CDIN1: variants seen among roughly 807,000 people sequenced by gnomAD.
The protein encoded by CDIN1 is CDAN1-interacting nuclease 1.
CDIN1 carries 33 observed loss-of-function variants against 45.3 expected under a neutral mutation model. The ratio of observed to expected loss-of-function variants is 0.73; its 90% confidence interval spans 0.55 to 0.97. The LOEUF (loss-of-function observed/expected upper bound fraction) is 0.97. CDIN1 is among the 50% of genes least tolerant of loss of function. The pLI, the probability that CDIN1 is intolerant of heterozygous loss-of-function variation, is 0.00. For missense variants in CDIN1, 303 were observed against 339.4 expected (o/e 0.89, Z 0.84); for synonymous variants, 118 against 124.4 (o/e 0.95, Z 0.34).
chr15:36,782,378 G>T (rs575295715), intron 10 of CDIN1, among the ~76,000 whole-genome samples: 5 of 152,164 alleles, frequency 3.3e-5, no homozygotes, highest in Admixed American at 2.6e-4. Context: ...AGGCAAAACC[G>T]CATTTTAATA....
At chr15:36,702,198 G>A in intron 8 of CDIN1, 1 of 696,028 alleles carries the variant, frequency 1.4e-6, no homozygotes, top group South Asian at 1.5e-5. Flanking sequence ...CTATCCGAAG[G>A]TTAAAAATAT....
intron 10 of CDIN1, among the ~76,000 whole-genome samples, chr15:36,805,815 A>G (rs1309916387): frequency 1.3e-5 from 2 of 152,190 alleles, no homozygotes; most frequent in East Asian, 3.9e-4. Context: ...TGCTGGGAAT[A>G]AGGCCAGATC....
intron 10 of CDIN1, among the ~76,000 whole-genome samples, chr15:36,759,052 G>A (rs56020706): frequency 0.11 from 16,735 of 152,134 alleles, 996 homozygotes; most frequent in Non-Finnish European, 0.14. Context: ...CATCCACTTT[G>A]TTCAGTGGTT....
chr15:36,797,473 A>G (rs2054841568), intron 10 of CDIN1, among the ~76,000 whole-genome samples: 1 of 152,184 alleles, frequency 6.6e-6, no homozygotes, highest in Non-Finnish European at 1.5e-5. Flanking sequence ...CTTGCTGCTC[A>G]CAGCCTTGCA....
intron 10 of CDIN1, among the ~76,000 whole-genome samples, chr15:36,788,185 C>T (rs1386717491): frequency 7.3e-6 from 1 of 136,638 alleles, no homozygotes; most frequent in African/African-American, 2.7e-5. Context: ...GGCACCATCT[C>T]GGCTTACCGC....
chr15:36,610,214 T>C (rs1461172151), intron 1 of CDIN1, among the ~76,000 whole-genome samples: 1 of 152,210 alleles, frequency 6.6e-6, no homozygotes, highest in East Asian at 1.9e-4. Flanking sequence ...ACAGGGATAA[T>C]TGCATGTTGA....
At position 36,675,928 on chromosome 15, in the gene CDIN1, G is replaced by A. The variant is rs944253612; in HGVS notation, c.347-15757G>A. On this transcript the variant is annotated intron_variant, in intron 5 of 10. Transcript: ENST00000566621. Reference sequence around the variant, plus strand: ...GTACCTCGCCTTCGTTGCATAGGTTGTTTGACACATAGAATTTTGACTTTT... The same window carrying A: ...GTACCTCGCCTTCGTTGCATAGGTTATTTGACACATAGAATTTTGACTTTT... Among the ~76,000 whole-genome samples the A allele has an allele frequency of 2.2e-4, 33 of 152,072 alleles. 1 individual carries two copies. The highest frequency in any genetic ancestry group is 1.8e-3 in the Admixed American group (27 of 15,250).
intron 1 of CDIN1, among the ~76,000 whole-genome samples, chr15:36,612,832 G>T (rs1194474089): frequency 2.0e-5 from 3 of 152,146 alleles, no homozygotes; most frequent in African/African-American, 7.2e-5. Flanking sequence ...CTCTTTTCAG[G>T]CATCATTATT....
chr15:36,611,175 TG>T (rs2038631379), intron 1 of CDIN1, among the ~76,000 whole-genome samples: 3 of 152,218 alleles, frequency 2.0e-5, no homozygotes, highest in Admixed American at 6.5e-5. Context: ...TAGGTACAGT[TG>T]GAGAATCTGG....
At chr15:36,772,236 C>G (rs2054099891) in intron 10 of CDIN1, among the ~76,000 whole-genome samples, 1 of 152,004 alleles carries the variant, frequency 6.6e-6, no homozygotes. Context: ...ACATATTTAG[C>G]AATAAAACCT....
intron 1 of CDIN1, chr15:36,618,506 C>A: frequency 8.2e-7 from 1 of 1,226,366 alleles, no homozygotes. Context: ...CCTCCAACAC[C>A]AAAGTTTGAC....
intron 7 of CDIN1, 37 bp from the exon 8 acceptor site, chr15:36,697,285 AT>A (rs1252122725): frequency 6.3e-7 from 1 of 1,584,408 alleles, no homozygotes; most frequent in Non-Finnish European, 8.7e-7. Context: ...TGCTGGTATA[AT>A]TCTGCCTGTG....
chr15:36,613,939 A>G, intron 1 of CDIN1: 1 of 1,552,994 alleles, frequency 6.4e-7, no homozygotes, highest in South Asian at 1.1e-5. Context: ...TTGCCGAGAG[A>G]TGGATGAGCA....
chr15:36,797,996 T>A (rs2054871660), intron 10 of CDIN1, among the ~76,000 whole-genome samples: 1 of 130,482 alleles, frequency 7.7e-6, no homozygotes, highest in African/African-American at 3.1e-5. Flanking sequence ...AAAAAGACTT[T>A]CCTTCATTAT....
chr15:36,716,356 T>C (rs1196214750), intron 10 of CDIN1, among the ~76,000 whole-genome samples: 1 of 152,058 alleles, frequency 6.6e-6, no homozygotes, highest in African/African-American at 2.4e-5. Context: ...GTTCTAGGAA[T>C]GGAAACACAC....
At chr15:36,720,494 T>G (rs2043376194) in intron 10 of CDIN1, among the ~76,000 whole-genome samples, 1 of 146,406 alleles carries the variant, frequency 6.8e-6, no homozygotes, top group African/African-American at 2.5e-5. Flanking sequence ...GATCCCATTG[T>G]TCAGTTCCCA....
intron 3 of CDIN1, among the ~76,000 whole-genome samples, chr15:36,649,757 G>A (rs544169263): frequency 5.9e-5 from 9 of 152,084 alleles, no homozygotes; most frequent in Non-Finnish European, 1.5e-5. Flanking sequence ...CGGACACCCC[G>A]AATCGATAAT....
intron 5 of CDIN1, among the ~76,000 whole-genome samples, chr15:36,673,608 G>A (rs2041531946): frequency 6.6e-6 from 1 of 151,932 alleles, no homozygotes; most frequent in African/African-American, 2.4e-5. Flanking sequence ...TGTACAAAAT[G>A]TACCAAACCA....
At chr15:36,625,806 GT>G (rs1318097206) in intron 1 of CDIN1, among the ~76,000 whole-genome samples, 1 of 152,154 alleles carries the variant, frequency 6.6e-6, no homozygotes, top group Non-Finnish European at 1.5e-5. Context: ...CAGTGCCTTA[GT>G]GTGCTCAGGC....
Sources: gnomAD v4.1 joint callset for allele counts (sites outside exome capture counted in the v4.1 genomes callset) on GRCh38, gnomAD v4.1.1 for gene constraint, MANE v1.5 for transcripts, NCBI Gene and HGNC (gene_info 2026-07-23, HGNC 2026-07-21) for gene names.